The following CDH26 variants were observed in gnomAD, a reference collection of about 807,000 sequenced individuals.
CDH26 encodes the protein cadherin 26, also known as cadherin-like protein 26.
A neutral mutation model predicts 90.3 loss-of-function variants in CDH26; 83 were observed. That is an observed-to-expected ratio of 0.92 (90% CI 0.77 to 1.10). The LOEUF is 1.10. CDH26 is among the 50% of genes least tolerant of loss of function. The probability of loss-of-function intolerance (pLI) is 0.00; values close to 1 mark genes in which losing one functional copy is unlikely to be tolerated. For missense variants in CDH26, 1,013 were observed against 1,037.6 expected (o/e 0.98, Z 0.33); for synonymous variants, 397 against 396.3 (o/e 1.00, Z -0.02).
chr20:60,010,193 C>T (rs558974152), intron 17 of CDH26, among the ~76,000 whole-genome samples: 2 of 135,918 alleles, frequency 1.5e-5, no homozygotes, highest in South Asian at 2.7e-4. Flanking sequence ...TGGGGCGGGG[C>T]GGGGGGCATA....
At chr20:59,984,841 G>A (rs1569037248) in intron 6 of CDH26, 36 bp downstream of exon 6, 3 of 1,588,606 alleles carry the variant, frequency 1.9e-6, no homozygotes, top group Non-Finnish European at 2.6e-6. Flanking sequence ...TAAATGAAAT[G>A]TGTGGCCCAT....
intron 7 of CDH26, among the ~76,000 whole-genome samples, chr20:59,985,383 G>A (rs562316862): frequency 1.3e-5 from 2 of 152,126 alleles, no homozygotes; most frequent in Non-Finnish European, 2.9e-5. Flanking sequence ...GGAAGGACGG[G>A]GGGAGCAGGC....
chr20:59,959,648 C>T (rs1378031459), intron 1 of CDH26, among the ~76,000 whole-genome samples: 1 of 152,170 alleles, frequency 6.6e-6, no homozygotes, highest in Non-Finnish European at 1.5e-5. Flanking sequence ...GATCTGCCTG[C>T]CTCAGCCTCC....
At chr20:60,004,765 CAAAAAAA>C (rs140015980) in intron 16 of CDH26, among the ~76,000 whole-genome samples, 5 of 48,128 alleles carry the variant, frequency 1.0e-4, no homozygotes, top group Non-Finnish European at 2.2e-4. Context: ...GACTCCATCT[CAAAAAAA>C]AAAAAAAAAA....
At chr20:59,961,938 T>C (rs537001372) in intron 1 of CDH26, among the ~76,000 whole-genome samples, 1 of 152,336 alleles carries the variant, frequency 6.6e-6, no homozygotes, top group East Asian at 1.9e-4. Flanking sequence ...TTTTTTGTTG[T>C]TGGTGGTGGT....
At chr20:60,009,939 T>C (rs997996807) in intron 17 of CDH26, among the ~76,000 whole-genome samples, 10 of 152,090 alleles carry the variant, frequency 6.6e-5, no homozygotes, top group African/African-American at 2.2e-4. Context: ...GTAAAAACTT[T>C]CTTTCCTCCC....
intron 3 of CDH26, among the ~76,000 whole-genome samples, chr20:59,970,850 A>AAAT (rs2061253161): frequency 6.6e-6 from 1 of 150,766 alleles, no homozygotes; most frequent in South Asian, 2.1e-4. Context: ...ATAAATAAAT[A>AAAT]AATAAGGGAG....
At chr20:60,001,484 G>A in intron 15 of CDH26, 73 bp downstream of exon 15, 2 of 1,567,512 alleles carry the variant, frequency 1.3e-6, no homozygotes, top group South Asian at 2.3e-5. Flanking sequence ...CTGAGAGAGG[G>A]CCGTTGTAGA....
At chr20:59,998,920 C>T (rs1425876561) in intron 13 of CDH26, among the ~76,000 whole-genome samples, 1 of 152,202 alleles carries the variant, frequency 6.6e-6, no homozygotes, top group East Asian at 1.9e-4. Context: ...TCTCTAGGTG[C>T]ACTTATCCCT....
At chr20:60,008,482 A>G (rs922663404) in intron 17 of CDH26, among the ~76,000 whole-genome samples, 2 of 152,154 alleles carry the variant, frequency 1.3e-5, no homozygotes, top group Non-Finnish European at 2.9e-5. Context: ...AGCAATCCCC[A>G]GTACCAACTC....
intron 16 of CDH26, among the ~76,000 whole-genome samples, chr20:60,004,344 C>A (rs1389235534): frequency 6.6e-6 from 1 of 152,078 alleles, no homozygotes; most frequent in East Asian, 1.9e-4. Flanking sequence ...TTTACACAAA[C>A]CTAAATGGTG....
intron 17 of CDH26, among the ~76,000 whole-genome samples, chr20:60,007,093 C>T (rs1173114436): frequency 1.3e-5 from 2 of 152,190 alleles, no homozygotes; most frequent in African/African-American, 4.8e-5. Flanking sequence ...AGATACCAAG[C>T]TCCCTGGTAT....
intron 5 of CDH26, among the ~76,000 whole-genome samples, chr20:59,983,280 C>T (rs1210564824): frequency 6.6e-6 from 1 of 152,086 alleles, no homozygotes; most frequent in Non-Finnish European, 1.5e-5. Flanking sequence ...GGAATTACAT[C>T]AGTGGGAAGG....
chr20:59,982,835 G>T, intron 4 of CDH26, 88 bp from the exon 5 acceptor site: 1 of 1,468,098 alleles, frequency 6.8e-7, no homozygotes, highest in South Asian at 1.3e-5. Flanking sequence ...GGAGACAGAC[G>T]TAACACATAA....
At chr20:60,029,439 T>TAGTCAACAACATAGCACCTAC (rs1390420395) in intron 7 of CDH26, among the ~76,000 whole-genome samples, 2 of 152,226 alleles carry the variant, frequency 1.3e-5, no homozygotes, top group Non-Finnish European at 2.9e-5. Flanking sequence ...ATAGCACCTA[T>TAGTCAACAACATAGCACCTAC]AGTCAACAAC....
Position 59,985,000 on chromosome 20 carries a change from G to C in CDH26, c.709-1G>C, listed in dbSNP as rs1416430678. ...TTAACTTTCCTTTTCCTCCCACATA[G>C]ACCGCTCCTCAGTTTACACTGCTAA... On this transcript the variant is annotated splice_acceptor_variant, in intron 6 of 17. Transcript: ENST00000348616. LOFTEE classifies it high-confidence loss of function. 1.2e-6 allele frequency: 2 copies of C among 1,613,512 alleles called. No homozygotes were observed. The highest frequency in any genetic ancestry group is 1.7e-6 in the Non-Finnish European group (2 of 1,179,788).
intron 4 of CDH26, 36 bp from the exon 5 acceptor site, chr20:59,982,887 G>C (rs759778022): frequency 1.9e-6 from 3 of 1,605,096 alleles, no homozygotes; most frequent in African/African-American, 1.3e-5. Context: ...TCGAGTAAAT[G>C]GTTCTGCAGG....
chr20:59,989,459 C>T (rs922931314), intron 9 of CDH26, among the ~76,000 whole-genome samples: 2 of 147,032 alleles, frequency 1.4e-5, no homozygotes, highest in South Asian at 2.2e-4. Flanking sequence ...ACCCGGGAAG[C>T]GGAGCTTGCA....
At position 59,972,109 on chromosome 20, in the gene CDH26, A is replaced by C. The variant is rs200261681; in HGVS notation, c.379A>C (p.Thr127Pro). The C allele has an allele frequency of 1.2e-5, 20 of 1,613,730 alleles. No homozygotes were observed. The African/African-American group carries it at 2.7e-4, about 22-fold the overall frequency. The change falls in exon 4 of 18, where the codon ACA becomes CCA. Residue 127 changes from threonine (T) to proline (P), a missense_variant. Coordinates refer to ENST00000348616, the MANE Select transcript of CDH26 (RefSeq NM_177980.4). ...TCACCGCCCTGTCGATCGAGAAATG[A>C]CACCATCTTTCACGGTATCTAAAAC... is the stretch of plus-strand genomic sequence containing the variant. The part of the protein sequence containing the change: ...YVHRPVDREM[T>P]PSFTVYFDVV...
Sources: allele counts gnomAD v4.1 joint callset (sites outside exome capture counted in the v4.1 genomes callset), GRCh38; gene constraint gnomAD v4.1.1; transcripts MANE v1.5; gene names NCBI Gene and HGNC (gene_info 2026-07-23, HGNC 2026-07-21).